Variants in RYR3 observed in about 807,000 individuals in gnomAD.
RYR3 encodes ryanodine receptor 3, also known as brain ryanodine receptor-calcium release channel.
Under a neutral mutation model 584.3 loss-of-function variants are expected in RYR3, and 207 were observed. The ratio of observed to expected loss-of-function variants is 0.35; its 90% confidence interval spans 0.32 to 0.40. RYR3 has a LOEUF of 0.40. RYR3 is among the 10% of genes least tolerant of loss of function. The pLI, the probability that RYR3 is intolerant of heterozygous loss-of-function variation, is 1.00. For missense variants in RYR3, 5,616 were observed against 6,089.2 expected, an observed-to-expected ratio of 0.92 and a Z score of 2.59; for synonymous variants, 2,416 against 2,248.5, an observed-to-expected ratio of 1.07 and a Z score of -2.11.
chr15:33,699,294 TTTCTCTCCTCA>T (rs2066109479), intron 40 of RYR3, among the ~76,000 whole-genome samples: 1 of 123,534 alleles, frequency 8.1e-6, no homozygotes, highest in South Asian at 3.2e-4. Flanking sequence ...CTCTCTCCTC[TTTCTCTCCTCA>T]CTCTTTCCTC....
At chr15:33,555,232 G>C (rs1328032566) in intron 10 of RYR3, among the ~76,000 whole-genome samples, 1 of 152,178 alleles carries the variant, frequency 6.6e-6, no homozygotes, top group African/African-American at 2.4e-5. Context: ...CAAGGTGACA[G>C]CTGTGCTCAT....
At chr15:33,808,941 A>G (rs933111759) in intron 70 of RYR3, among the ~76,000 whole-genome samples, 1 of 152,154 alleles carries the variant, frequency 6.6e-6, no homozygotes, top group African/African-American at 2.4e-5. Context: ...TGGCCAGACT[A>G]GGGTTCTGCT....
At chr15:33,639,782 C>T (rs1170215565) in intron 27 of RYR3, among the ~76,000 whole-genome samples, 1 of 152,150 alleles carries the variant, frequency 6.6e-6, no homozygotes, top group Non-Finnish European at 1.5e-5. Context: ...GATTATATGC[C>T]TTTATCTGCT....
intron 2 of RYR3, among the ~76,000 whole-genome samples, chr15:33,486,324 A>G (rs572360599): frequency 1.3e-5 from 2 of 152,240 alleles, no homozygotes; most frequent in East Asian, 1.9e-4. Flanking sequence ...ATTTTCTGGT[A>G]GCTTTAGGCA....
At position 33,771,958 on chromosome 15, in the gene RYR3, G is replaced by C. The variant is rs748399188; in HGVS notation, c.8855G>C (p.Gly2952Ala). ...TCAGGCTCAGAGCTGGTGAAGGCTGGGTTACGAGCATTCTTTGAAAATGCT... is the reference window on the plus strand; with the variant it reads ...TCAGGCTCAGAGCTGGTGAAGGCTGCGTTACGAGCATTCTTTGAAAATGCT... ...MKSGSELVKA[G>A]LRAFFENAAE... Residue 2952 changes from glycine to alanine, a missense_variant, in exon 63 of 104, where the codon GGG (glycine) becomes GCG (alanine). By Grantham distance (60) the Gly-to-Ala change is moderately conservative. Transcript: ENST00000634891. 4 of 1,613,094 alleles carry C rather than the reference G, an allele frequency of 2.5e-6. 1 individual carries two copies. The highest frequency in any genetic ancestry group is 2.2e-5 in the South Asian group (2 of 90,736).
chr15:33,722,958 A>G (rs773176482), intron 44 of RYR3, 63 bp downstream of exon 44: 15 of 1,389,996 alleles, frequency 1.1e-5, no homozygotes, highest in African/African-American at 1.4e-5. Context: ...TATTATTGGT[A>G]TACGGATGAT....
intron 45 of RYR3, among the ~76,000 whole-genome samples, chr15:33,724,456 A>G (rs1468032201): frequency 6.6e-6 from 1 of 152,150 alleles, no homozygotes; most frequent in Non-Finnish European, 1.5e-5. Flanking sequence ...CCCATTTGAC[A>G]TGCCTCAATT....
chr15:33,468,507 T>G (rs1052803844), intron 1 of RYR3, among the ~76,000 whole-genome samples: 1 of 152,232 alleles, frequency 6.6e-6, no homozygotes, highest in Non-Finnish European at 1.5e-5. Flanking sequence ...TCCCTTTTTA[T>G]TCAATTATTC....
At chr15:33,517,618 C>T (rs1323708526) in intron 3 of RYR3, among the ~76,000 whole-genome samples, 1 of 152,202 alleles carries the variant, frequency 6.6e-6, no homozygotes, top group Non-Finnish European at 1.5e-5. Flanking sequence ...AGCATCATGG[C>T]TGATATCTTT....
chr15:33,606,026 A>G (rs1237712709), intron 18 of RYR3, among the ~76,000 whole-genome samples: 1 of 152,214 alleles, frequency 6.6e-6, no homozygotes, highest in Non-Finnish European at 1.5e-5. Flanking sequence ...CATACTTATT[A>G]AAGTACAATA....
chr15:33,691,978 T>TTAAAGGGTATC (rs2065467959), intron 38 of RYR3, among the ~76,000 whole-genome samples: 1 of 152,206 alleles, frequency 6.6e-6, no homozygotes, highest in Non-Finnish European at 1.5e-5. Context: ...ACATTTGGAC[T>TTAAAGGGTATC]TAAAGGGTAT....
intron 70 of RYR3, among the ~76,000 whole-genome samples, chr15:33,808,112 C>T (rs1425098876): frequency 6.6e-6 from 1 of 152,108 alleles, no homozygotes; most frequent in Non-Finnish European, 1.5e-5. Flanking sequence ...GGCTGCCATT[C>T]TCCCAAACCT....
At chr15:33,755,300 G>A in intron 58 of RYR3, 120 bp downstream of exon 58, 1 of 693,872 alleles carries the variant, frequency 1.4e-6, no homozygotes, top group Non-Finnish European at 2.4e-6. Flanking sequence ...GAAAACAGTG[G>A]CTGAAATTTT....
intron 2 of RYR3, among the ~76,000 whole-genome samples, chr15:33,499,042 A>G (rs16953863): frequency 0.11 from 17,421 of 151,970 alleles, 1,264 homozygotes; most frequent in East Asian, 0.23. Context: ...ATCATTTCCT[A>G]CATAACTTGC....
chr15:33,589,110 A>T (rs1186097604), intron 16 of RYR3, among the ~76,000 whole-genome samples: 1 of 152,076 alleles, frequency 6.6e-6, no homozygotes, highest in East Asian at 1.9e-4. Flanking sequence ...CTGTATCCTC[A>T]CCGACATTTA....
At chr15:33,717,266 A>G (rs2067564715) in intron 43 of RYR3, among the ~76,000 whole-genome samples, 1 of 152,114 alleles carries the variant, frequency 6.6e-6, no homozygotes, top group Non-Finnish European at 1.5e-5. Flanking sequence ...TTGGTTATCT[A>G]CCTGGTATTT....
At chr15:33,637,266 G>A (rs572666555) in intron 27 of RYR3, among the ~76,000 whole-genome samples, 28 of 152,330 alleles carry the variant, frequency 1.8e-4, no homozygotes, top group African/African-American at 6.3e-4. Flanking sequence ...CTCCCAAGGA[G>A]TATCTGTTTG....
chr15:33,358,049 A>G (rs1974232413), intron 1 of RYR3, among the ~76,000 whole-genome samples: 1 of 152,194 alleles, frequency 6.6e-6, no homozygotes, highest in Non-Finnish European at 1.5e-5. Flanking sequence ...GCACGCTCTT[A>G]ACCTCTAATT....
At chr15:33,333,278 A>G (rs1030772557) in intron 1 of RYR3, among the ~76,000 whole-genome samples, 8 of 152,186 alleles carry the variant, frequency 5.3e-5, no homozygotes, top group Non-Finnish European at 4.4e-5. Flanking sequence ...TTTCAGGCCA[A>G]TATCCTTGAT....
Sources: gnomAD v4.1 joint callset for allele counts (sites outside exome capture counted in the v4.1 genomes callset) on GRCh38, gnomAD v4.1.1 for gene constraint, MANE v1.5 for transcripts, NCBI Gene and HGNC (gene_info 2026-07-23, HGNC 2026-07-21) for gene names.